Variants in KDM2A observed in about 807,000 individuals in gnomAD.
KDM2A encodes the protein lysine demethylase 2A.
A neutral mutation model predicts 137.3 loss-of-function variants in KDM2A; 3 were observed. That is an observed-to-expected ratio of 0.02 (90% CI 0.01 to 0.06). The LOEUF (loss-of-function observed/expected upper bound fraction) is 0.06. Among genes scored for constraint, KDM2A ranks in the 10% least tolerant of loss-of-function variants. The pLI is 1.00. For synonymous variants in KDM2A, 512 were observed against 541.5 expected, an observed-to-expected ratio of 0.95 and a Z score of 0.76; for missense variants, 738 against 1,510.6, an observed-to-expected ratio of 0.49 and a Z score of 8.48.
intron 11 of KDM2A, among the ~76,000 whole-genome samples, chr11:67,229,275 C>T (rs1338731610): frequency 1.3e-5 from 2 of 152,224 alleles, no homozygotes; most frequent in Non-Finnish European, 2.9e-5. Flanking sequence ...CTTTTAGAGT[C>T]TGACCAGCTT....
intron 5 of KDM2A, among the ~76,000 whole-genome samples, chr11:67,205,778 G>A (rs942318815): frequency 6.6e-6 from 1 of 151,874 alleles, no homozygotes; most frequent in African/African-American, 2.4e-5. Flanking sequence ...CACCGTGCCC[G>A]GCCAGACATA....
intron 12 of KDM2A, chr11:67,239,934 C>T (rs1858975153): frequency 1.7e-6 from 1 of 582,320 alleles, no homozygotes; most frequent in Non-Finnish European, 2.4e-6. Context: ...CTCTTCCAAT[C>T]GCGAGGAAGA....
chr11:67,181,107 T>C (rs1857083411), intron 3 of KDM2A, among the ~76,000 whole-genome samples: 1 of 152,020 alleles, frequency 6.6e-6, no homozygotes, highest in Non-Finnish European at 1.5e-5. Flanking sequence ...GAATATAGAC[T>C]TGGAAAACCC....
At chr11:67,177,898 C>G (rs1366821211) in intron 2 of KDM2A, among the ~76,000 whole-genome samples, 2 of 152,148 alleles carry the variant, frequency 1.3e-5, no homozygotes, top group Non-Finnish European at 2.9e-5. Flanking sequence ...CTATGATGTC[C>G]TGATGGCAAC....
chr11:67,123,645 A>G (rs183371221), intron 2 of KDM2A, among the ~76,000 whole-genome samples: 1 of 151,928 alleles, frequency 6.6e-6, no homozygotes, highest in African/African-American at 2.4e-5. Context: ...CCAGACTTTA[A>G]AGGAAGAGCC....
intron 2 of KDM2A, among the ~76,000 whole-genome samples, chr11:67,163,129 C>T (rs1215904245): frequency 1.3e-5 from 2 of 152,158 alleles, no homozygotes; most frequent in East Asian, 3.8e-4. Flanking sequence ...CAGAATTTTG[C>T]TCTTGCATAA....
intron 2 of KDM2A, among the ~76,000 whole-genome samples, chr11:67,162,466 G>A (rs182505445): frequency 7.9e-5 from 12 of 152,202 alleles, no homozygotes; most frequent in South Asian, 2.1e-4. Context: ...GTGCAGTGGC[G>A]TGACCTCAGC....
rs759948645 is a variant in KDM2A at position 67,254,160 on chromosome 11, A to C, written c.3092-43A>C. ...GCCTGGAGCCTTGAAGCTGGATTAG[A>C]GAATTGAGAGTTTTGATCTAGGCTC... On this transcript the variant is annotated intron_variant, in intron 19 of 20. Transcript: ENST00000529006. This position sits in a 1 kb window ranked among gnomAD's most constrained non-coding sequence, Gnocchi z 4.7. 1 of 1,560,500 alleles carries C rather than the reference A, an allele frequency of 6.4e-7. No individual in the cohort carries two copies. The highest frequency in any genetic ancestry group is 1.7e-5 in the Admixed American group (1 of 57,726).
chr11:67,209,643 C>T (rs952852292), intron 6 of KDM2A, among the ~76,000 whole-genome samples: 1 of 152,148 alleles, frequency 6.6e-6, no homozygotes, highest in Non-Finnish European at 1.5e-5. Context: ...GGGGTTTCAC[C>T]ATGTTGGCCA....
chr11:67,247,622 ACC>A (rs1376135958), intron 15 of KDM2A, among the ~76,000 whole-genome samples: 1 of 151,420 alleles, frequency 6.6e-6, no homozygotes, highest in Admixed American at 6.6e-5. Flanking sequence ...TTGGGGTTTC[ACC>A]ATGTTGGCCA....
At chr11:67,120,294 G>T (rs943379437) in intron 1 of KDM2A, among the ~76,000 whole-genome samples, 7 of 152,214 alleles carry the variant, frequency 4.6e-5, no homozygotes, top group Admixed American at 4.6e-4. Flanking sequence ...CCTCCGGGAG[G>T]GCTCTGCCTC....
intron 2 of KDM2A, among the ~76,000 whole-genome samples, chr11:67,164,138 A>T (rs1856692165): frequency 6.6e-6 from 1 of 152,192 alleles, no homozygotes; most frequent in African/African-American, 2.4e-5. Flanking sequence ...GCATTAGGTG[A>T]CATTCTTGAC....
intron 5 of KDM2A, among the ~76,000 whole-genome samples, chr11:67,186,618 T>TTA: frequency 6.6e-6 from 1 of 152,372 alleles, no homozygotes. Context: ...TAGTATTATC[T>TTA]TAACAATGGC....
intron 8 of KDM2A, 60 bp downstream of exon 8, chr11:67,216,009 G>A: frequency 4.1e-6 from 5 of 1,218,690 alleles, no homozygotes; most frequent in South Asian, 2.4e-5. Context: ...CTTTGCTTCA[G>A]TTCATGTATA....
At chr11:67,157,939 A>T (rs1856554659) in intron 2 of KDM2A, among the ~76,000 whole-genome samples, 2 of 152,062 alleles carry the variant, frequency 1.3e-5, no homozygotes, top group Admixed American at 6.6e-5. Context: ...AAAGAGAGAG[A>T]TACATTGTTA....
chr11:67,125,639 G>T (rs958550811), intron 2 of KDM2A, among the ~76,000 whole-genome samples: 1 of 151,746 alleles, frequency 6.6e-6, no homozygotes, highest in Non-Finnish European at 1.5e-5. Context: ...GGGCACTGGG[G>T]GTGGTGGTGC....
chr11:67,180,276 A>G (rs1418339151), intron 3 of KDM2A, 59 bp downstream of exon 3: 31 of 1,550,366 alleles, frequency 2.0e-5, no homozygotes, highest in Non-Finnish European at 2.6e-5. Context: ...ATAGACTCTG[A>G]GCATTGGGGG....
Position 67,246,013 on chromosome 11 carries a change from C to G in KDM2A, c.1862C>G (p.Ser621Cys). The G allele has an allele frequency of 6.2e-7, 1 of 1,613,938 alleles. No homozygotes were observed. Among genetic ancestry groups the G allele is most frequent in the Non-Finnish European group, 8.5e-7 (1 of 1,179,842 alleles). Residue 621 changes from serine (S) to cysteine (C), a missense_variant, in exon 15 of 21, where the codon TCC becomes TGC. Physicochemically the swap from Ser to Cys is moderately radical, Grantham distance 112. This residue lies in a region of KDM2A where 7 missense variants were observed against 62.4 expected (regional missense o/e 0.11). Transcript: ENST00000529006. ...APRLPHSVTC[S>C]LCGEVDQNEE... is the part of the protein sequence containing the mutation. ...AGACTGCCTCACTCAGTCACATGTTCCCTCTGTGGAGAGGTGGATCAGAAT... is the reference window on the plus strand; with the variant it reads ...AGACTGCCTCACTCAGTCACATGTTGCCTCTGTGGAGAGGTGGATCAGAAT...
chr11:67,122,431 A>G (rs1855617387), intron 2 of KDM2A, among the ~76,000 whole-genome samples: 1 of 151,952 alleles, frequency 6.6e-6, no homozygotes, highest in Non-Finnish European at 1.5e-5. Flanking sequence ...GGTTCAAGTG[A>G]TCCTCCTGCC....
Sources: allele counts gnomAD v4.1 joint callset (sites outside exome capture counted in the v4.1 genomes callset), GRCh38; gene constraint gnomAD v4.1.1; regional missense constraint gnomAD v4.1.1; non-coding constraint Gnocchi (gnomAD v3.1); transcripts MANE v1.5; gene names NCBI Gene and HGNC (gene_info 2026-07-23, HGNC 2026-07-21).